Variants in AGL observed in about 807,000 individuals in gnomAD.
The protein encoded by AGL is amylo-alpha-1,6-glucosidase and 4-alpha-glucanotransferase, also known as glycogen debranching enzyme.
AGL carries 128 observed loss-of-function variants against 199.3 expected under a neutral mutation model. The observed-to-expected ratio is 0.64, with a 90% CI of 0.56 to 0.74. The LOEUF (loss-of-function observed/expected upper bound fraction) is 0.74, where lower values mean the gene tolerates loss of function less well. AGL is among the 30% of genes least tolerant of loss of function. The pLI is 0.00. For synonymous variants in AGL, 584 were observed against 594.7 expected (o/e 0.98, Z 0.26); for missense variants, 1,809 against 1,820.8 (o/e 0.99, Z 0.12).
chr1:99,880,131 C>G lies in AGL; in HGVS notation c.1735+85C>G, dbSNP rs1015278734. The stretch of plus-strand genomic sequence containing the variant: ...GGATTTAATAGCTTCATATGCAATG[C>G]TTAATAATTTTTTAACACAGTTAAT... On this transcript the variant is annotated intron_variant, in intron 13 of 33. Transcript: ENST00000361915. The G allele has an allele frequency of 7.0e-6, 11 of 1,563,718 alleles. No individual in the cohort carries two copies. The African/African-American group carries it at 1.5e-4, about 21-fold the overall frequency.
chr1:99,853,061 T>C (rs1396920157), intron 2 of AGL, among the ~76,000 whole-genome samples: 2 of 152,220 alleles, frequency 1.3e-5, no homozygotes, highest in Non-Finnish European at 2.9e-5. Flanking sequence ...GCAGTCTCTT[T>C]TTAAGCTTGC....
At position 99,862,273 on chromosome 1, in the gene AGL, G is replaced by A. The variant is rs745610775; in HGVS notation, c.310G>A (p.Gly104Arg). The change falls in exon 4 of 34, where the codon GGA becomes AGA. Residue 104 changes from glycine (G) to arginine (R), a missense_variant. Coordinates refer to ENST00000361915, the MANE Select transcript of AGL (RefSeq NM_000642.3). ...TTCCCTTAGAAATGAGAAAAGTGGT[G>A]GAGGTTACATAGTTGTGGACCCCAT... Reference protein sequence around the residue: ...YFLQGNEKSGGGYIVVDPILR... With the variant: ...YFLQGNEKSGRGYIVVDPILR... 24 of 1,613,846 alleles carry A rather than the reference G, an allele frequency of 1.5e-5. No individual in the cohort carries two copies. The South Asian group carries it at 2.6e-4, about 18-fold the overall frequency.
At chr1:99,901,275 A>G (rs541979403) in intron 26 of AGL, among the ~76,000 whole-genome samples, 4 of 149,940 alleles carry the variant, frequency 2.7e-5, no homozygotes, top group Admixed American at 6.7e-5. Flanking sequence ...AGCCAGGTGT[A>G]TGGCACACAC....
chr1:99,902,997 AT>A (rs1477008013), intron 27 of AGL, among the ~76,000 whole-genome samples: 1 of 152,232 alleles, frequency 6.6e-6, no homozygotes, highest in Non-Finnish European at 1.5e-5. Flanking sequence ...TTGAAAGATA[AT>A]TTTGGTGGTT....
At chr1:99,857,264 C>G (rs1649578936) in intron 2 of AGL, among the ~76,000 whole-genome samples, 1 of 151,736 alleles carries the variant, frequency 6.6e-6, no homozygotes, top group African/African-American at 2.4e-5. Flanking sequence ...GGCGGCCGGG[C>G]AGAGACGCTC....
intron 7 of AGL, chr1:99,874,461 CT>C (rs1398004059): frequency 6.7e-5 from 30 of 448,284 alleles, no homozygotes; most frequent in Non-Finnish European, 1.0e-4. Flanking sequence ...ATTTTTGTCT[CT>C]GTTTCTTTCT....
chr1:99,876,622 G>C, intron 11 of AGL, 25 bp downstream of exon 11: 1 of 1,613,062 alleles, frequency 6.2e-7, no homozygotes. Flanking sequence ...ACTTCTCTGT[G>C]GATGGGGAAA....
intron 5 of AGL, among the ~76,000 whole-genome samples, chr1:99,867,206 C>T (rs1650591578): frequency 6.6e-6 from 1 of 152,236 alleles, no homozygotes; most frequent in Non-Finnish European, 1.5e-5. Flanking sequence ...CGTAGTGAAA[C>T]AACCCTAACT....
intron 27 of AGL, among the ~76,000 whole-genome samples, chr1:99,907,624 GTGTT>G (rs1007320410): frequency 2.1e-5 from 3 of 146,138 alleles, no homozygotes; most frequent in African/African-American, 7.6e-5. Context: ...GTTTTTTTCT[GTGTT>G]TGTTTTTTTG....
rs577556699 is a variant in AGL, at chr1:99,866,821, A to T, written c.664+2232A>T. On this transcript the variant is annotated intron_variant, in intron 5 of 33. Transcript: ENST00000361915. ...TTTCTTTTATTTATTTATTTTATTT[A>T]TTTTATTTTTTTTTGAGATGGAGTT... 6.3e-5 allele frequency among the ~76,000 whole-genome samples: 4 copies of T among 63,880 alleles called. No individual in the cohort carries two copies. In the East Asian group the frequency reaches 1.1e-3, roughly 18 times the overall value. The allele number at this position is 63,880 out of a possible 152,430, so 41.9% of individuals were successfully genotyped here. A position where few individuals can be genotyped will look rare whatever the true frequency, so the allele number is the denominator to read the frequency against.
intron 5 of AGL, among the ~76,000 whole-genome samples, chr1:99,867,479 T>A (rs1206819490): frequency 6.6e-6 from 1 of 152,132 alleles, no homozygotes; most frequent in Non-Finnish European, 1.5e-5. Context: ...AGTTTCATGC[T>A]AAGAGGCACA....
chr1:99,896,236 G>C (rs1653303936), intron 24 of AGL, 50 bp from the exon 25 acceptor site: 2 of 1,438,518 alleles, frequency 1.4e-6, no homozygotes, highest in Non-Finnish European at 2.0e-6. Context: ...TCATAGGTTT[G>C]TGTGTATTAT....
At position 99,880,040 on chromosome 1, in the gene AGL, A is replaced by G. The variant is rs762529905; in HGVS notation, c.1729A>G (p.Ile577Val). The G allele has an allele frequency of 8.1e-6, 13 of 1,613,338 alleles. No individual in the cohort carries two copies. The highest frequency in any genetic ancestry group is 1.1e-5 in the Non-Finnish European group (13 of 1,179,584). Residue 577 changes from isoleucine (I) to valine (V), a missense_variant, in exon 13 of 34, where the codon ATA (isoleucine) becomes GTA (valine). Ile to Val is a conservative substitution (Grantham distance 29, BLOSUM62 3). Transcript: ENST00000361915. ...FVTRLGISSL[I>V]REAMSAYNSH... Reference sequence around the variant, plus strand: ...TACTAGACTGGGCATTAGTTCCTTAATAAGAGGTAGGCTTGTTGGAGTGTA... The same window carrying G: ...TACTAGACTGGGCATTAGTTCCTTAGTAAGAGGTAGGCTTGTTGGAGTGTA...
chr1:99,896,527 G>C, intron 25 of AGL, 139 bp downstream of exon 25: 1 of 727,000 alleles, frequency 1.4e-6, no homozygotes, highest in Non-Finnish European at 2.4e-6. Flanking sequence ...TTTTATTTTT[G>C]TATGTTCACT....
intron 27 of AGL, among the ~76,000 whole-genome samples, chr1:99,908,908 G>A (rs6577146): frequency 0.61 from 93,216 of 151,884 alleles, 28,854 homozygotes; most frequent in Non-Finnish European, 0.66. Flanking sequence ...CCTGAGTGGA[G>A]TTCCACACTG....
At chr1:99,865,166 A>ATAT (rs543351175) in intron 5 of AGL, among the ~76,000 whole-genome samples, 1 of 151,012 alleles carries the variant, frequency 6.6e-6, no homozygotes, top group Non-Finnish European at 1.5e-5. Context: ...AAAATATCAA[A>ATAT]ATATATATAT....
intron 25 of AGL, 84 bp from the exon 26 acceptor site, chr1:99,900,552 A>G: frequency 1.6e-6 from 2 of 1,247,636 alleles, no homozygotes; most frequent in Non-Finnish European, 2.4e-6. Flanking sequence ...CATTCAAAAT[A>G]TAGTCACCAA....
rs190957917 is a variant in AGL, at chr1:99,875,775, T to C, written c.1283+320T>C. ...CTTACTTTGTAAGTGACATAAAGCATAGGTTGGGCAACTAGAGTGCAGTAA... is the reference window on the plus strand; with the variant it reads ...CTTACTTTGTAAGTGACATAAAGCACAGGTTGGGCAACTAGAGTGCAGTAA... On this transcript the variant is annotated intron_variant, in intron 10 of 33. Transcript: ENST00000361915. 1.4e-3 allele frequency among the ~76,000 whole-genome samples: 214 copies of C among 152,366 alleles called. 1 individual carries two copies. The highest frequency in any genetic ancestry group is 3.4e-3 in the Middle Eastern group (1 of 294).
chr1:99,855,795 G>A (rs1302501035), intron 2 of AGL, among the ~76,000 whole-genome samples: 7 of 150,550 alleles, frequency 4.6e-5, no homozygotes, highest in African/African-American at 1.2e-4. Context: ...AGCGAGACTC[G>A]GTCTCAAAAA....
Sources: gnomAD v4.1 joint callset for allele counts (sites outside exome capture counted in the v4.1 genomes callset) on GRCh38, gnomAD v4.1.1 for gene constraint, MANE v1.5 for transcripts, NCBI Gene and HGNC (gene_info 2026-07-23, HGNC 2026-07-21) for gene names.